CHRDL1: variants seen among roughly 807,000 people sequenced by gnomAD.
The protein encoded by CHRDL1 is chordin-like protein 1.
Under a neutral mutation model 40.9 loss-of-function variants are expected in CHRDL1, and 19 were observed. The observed-to-expected ratio is 0.46, with a 90% confidence interval of 0.32 to 0.68. CHRDL1 has a LOEUF of 0.68. Ranked by LOEUF, CHRDL1 falls within the 30% of genes least tolerant of loss-of-function variation. The probability of loss-of-function intolerance (pLI) is 0.03; values close to 1 mark genes in which losing one functional copy is unlikely to be tolerated. For missense variants in CHRDL1, 329 were observed against 352.1 expected (o/e 0.93, Z 0.53); for synonymous variants, 136 against 123.4 (o/e 1.10, Z -0.68).
intron 2 of CHRDL1, among the ~76,000 whole-genome samples, chrX:110,787,523 C>G (rs766615333): frequency 9.8e-5 from 11 of 112,613 alleles, no homozygotes; most frequent in Non-Finnish European, 2.1e-4. Flanking sequence ...TTTGCTTGCT[C>G]AATAATCACC....
chrX:110,738,698 C>T (rs935132830), intron 4 of CHRDL1, among the ~76,000 whole-genome samples: 1 of 105,096 alleles, frequency 9.5e-6, no homozygotes, highest in African/African-American at 3.5e-5. Flanking sequence ...GCCGACACTG[C>T]GCCACTACAC....
At chrX:110,769,740 T>A (rs1051550398) in intron 2 of CHRDL1, among the ~76,000 whole-genome samples, 2 of 111,701 alleles carry the variant, frequency 1.8e-5, no homozygotes, top group African/African-American at 6.5e-5. Context: ...TCAGATCTTG[T>A]AAGACTCATT....
Position 110,730,573 on chromosome X carries a change from G to GTATTT in CHRDL1, c.302-9048_302-9044dup, listed in dbSNP as rs2071140671. ...GAACTCCTTGGCCAACACTCCCATT[G>GTATTT]TATTTTATTTTATTATTATTATTTT... On this transcript the variant is annotated intron_variant, in intron 4 of 11. Transcript: ENST00000372042. Among the ~76,000 whole-genome samples, 3 of 111,048 alleles carry GTATTT rather than the reference G, an allele frequency of 2.7e-5. No individual in the cohort carries two copies. In the Admixed American group the frequency reaches 2.9e-4, roughly 11 times the overall value.
intron 9 of CHRDL1, among the ~76,000 whole-genome samples, chrX:110,683,755 C>T (rs1194311157): frequency 9.0e-6 from 1 of 111,573 alleles, no homozygotes. Flanking sequence ...ACCCCAGGCT[C>T]ATCCCTGGGG....
chrX:110,717,773 C>T (rs997162682), intron 6 of CHRDL1, among the ~76,000 whole-genome samples: 4 of 111,835 alleles, frequency 3.6e-5, no homozygotes, highest in Admixed American at 9.4e-5. Flanking sequence ...GGGTGTAACA[C>T]GGTGATGGAT....
At chrX:110,782,279 C>T (rs1292658102) in intron 2 of CHRDL1, among the ~76,000 whole-genome samples, 2 of 112,197 alleles carry the variant, frequency 1.8e-5, no homozygotes, top group Non-Finnish European at 3.8e-5. Context: ...TCATTATTGG[C>T]CCCATTTTAC....
chrX:110,759,700 G>C lies in CHRDL1; in HGVS notation c.262C>G (p.Pro88Ala), dbSNP rs139893827. Reference sequence around the variant, plus strand: ...CAGCACAGATGAGGAATATGCACAGGAGAAAGGCAATGAACATTTGGACAT... The same window carrying C: ...CAGCACAGATGAGGAATATGCACAGCAGAAAGGCAATGAACATTTGGACAT... ...VRCPNVHCLS[P>A]VHIPHLCCPR... Residue 88 changes from proline (P) to alanine (A), a missense_variant, in exon 4 of 12, where the codon CCT (proline) becomes GCT (alanine). Pro to Ala is a conservative substitution (Grantham distance 27, BLOSUM62 -1). Transcript: ENST00000372042. 47 of 1,205,271 alleles carry C rather than the reference G, an allele frequency of 3.9e-5. No individual in the cohort carries two copies. The African/African-American group carries it at 5.3e-4, about 13-fold the overall frequency.
chrX:110,763,558 T>TATAC (rs1203090246), intron 2 of CHRDL1, among the ~76,000 whole-genome samples: 145 of 105,571 alleles, frequency 1.4e-3, no homozygotes, highest in African/African-American at 4.6e-3. Context: ...TATATATATA[T>TATAC]ACACACACAT....
chrX:110,756,504 CAGTTGTAGA>C (rs201918426), intron 4 of CHRDL1, among the ~76,000 whole-genome samples: 2,704 of 111,076 alleles, frequency 0.024, 86 homozygotes, highest in African/African-American at 0.084. Flanking sequence ...GTAGATGAGG[CAGTTGTAGA>C]TCAGTCCATG....
At chrX:110,682,616 A>C (rs1201549047) in intron 9 of CHRDL1, among the ~76,000 whole-genome samples, 2 of 112,288 alleles carry the variant, frequency 1.8e-5, no homozygotes, top group East Asian at 2.8e-4. Flanking sequence ...GAAACCACTG[A>C]GTGTTGAGTG....
chrX:110,753,653 C>T (rs1318620478), intron 4 of CHRDL1, among the ~76,000 whole-genome samples: 1 of 112,089 alleles, frequency 8.9e-6, no homozygotes, highest in Non-Finnish European at 1.9e-5. Flanking sequence ...TACTTGATTA[C>T]TGTAACTGTG....
chrX:110,734,242 G>C (rs1603206907), intron 4 of CHRDL1, among the ~76,000 whole-genome samples: 1 of 111,586 alleles, frequency 9.0e-6, no homozygotes, highest in East Asian at 2.8e-4. Flanking sequence ...ACAAAGCAGG[G>C]GGGCTGAGGA....
At chrX:110,718,822 G>T (rs2070891238) in intron 6 of CHRDL1, among the ~76,000 whole-genome samples, 1 of 111,847 alleles carries the variant, frequency 8.9e-6, no homozygotes, top group Admixed American at 9.5e-5. Flanking sequence ...CTTTTCTGGT[G>T]AGTTCCATAA....
chrX:110,721,289 C>T (rs2070945790), intron 5 of CHRDL1, 96 bp downstream of exon 5: 1 of 836,998 alleles, frequency 1.2e-6, no homozygotes. Context: ...TTTATTCAAA[C>T]ACCTTACAGT....
At chrX:110,729,083 C>T (rs550831293) in intron 4 of CHRDL1, among the ~76,000 whole-genome samples, 7 of 111,848 alleles carry the variant, frequency 6.3e-5, no homozygotes, top group African/African-American at 1.3e-4. Flanking sequence ...GCTGAGCTTG[C>T]GCCACTGCAC....
In CHRDL1 at chrX:110,721,420, G is replaced by A. The variant is rs749956744; in HGVS notation, c.412C>T (p.Arg138Trp). ...LFVAEGLFQN[R>W]QPNQCTQCSC... ...CACTGGGTGCATTGATTGGGTTGCCGATTCTGAAAGAGCCCTTCAGCTACG... is the reference window on the plus strand; with the variant it reads ...CACTGGGTGCATTGATTGGGTTGCCAATTCTGAAAGAGCCCTTCAGCTACG... The change falls in exon 5 of 12, where the codon CGG becomes TGG. Residue 138 changes from arginine to tryptophan, a missense_variant. Physicochemically the swap from Arg to Trp is moderately radical, Grantham distance 101. Transcript: ENST00000372042. The A allele has an allele frequency of 7.4e-6, 9 of 1,208,670 alleles. No individual in the cohort carries two copies. Among genetic ancestry groups the A allele is most frequent in the Middle Eastern group, 2.3e-4 (1 of 4,351 alleles).
At chrX:110,686,969 C>T (rs1446173637) in intron 9 of CHRDL1, among the ~76,000 whole-genome samples, 1 of 109,674 alleles carries the variant, frequency 9.1e-6, no homozygotes, top group African/African-American at 3.3e-5. Context: ...AATTTCAATG[C>T]CCCAGTTCTC....
At chrX:110,708,632 TGAA>T (rs2070691238) in intron 6 of CHRDL1, among the ~76,000 whole-genome samples, 1 of 111,611 alleles carries the variant, frequency 9.0e-6, no homozygotes, top group Non-Finnish European at 1.9e-5. Context: ...AAGCCAAATC[TGAA>T]GAAGAGTACA....
At chrX:110,784,239 C>G (rs1286004093) in intron 2 of CHRDL1, among the ~76,000 whole-genome samples, 1 of 111,814 alleles carries the variant, frequency 8.9e-6, no homozygotes, top group Non-Finnish European at 1.9e-5. Flanking sequence ...GTTGAAGACT[C>G]TGTTTCATGT....
Sources: gnomAD v4.1 joint callset for allele counts (sites outside exome capture counted in the v4.1 genomes callset) on GRCh38, gnomAD v4.1.1 for gene constraint, MANE v1.5 for transcripts, NCBI Gene and HGNC (gene_info 2026-07-23, HGNC 2026-07-21) for gene names.